Variants in GBP5 observed in about 807,000 individuals in gnomAD.
GBP5 encodes the protein guanylate binding protein 5, also known as guanylate-binding protein 5.
In GBP5, 48 loss-of-function variants were observed where a neutral mutation model predicts 58.2. The ratio of observed to expected loss-of-function variants is 0.83; its 90% CI spans 0.65 to 1.05. The LOEUF (loss-of-function observed/expected upper bound fraction) is 1.05. Ranked by LOEUF, GBP5 falls within the 50% of genes least tolerant of loss-of-function variation. The pLI, the probability that GBP5 is intolerant of heterozygous loss-of-function variation, is 0.00. For synonymous variants in GBP5, 248 were observed against 251.8 expected, an observed-to-expected ratio of 0.98 and a Z score of 0.14; for missense variants, 714 against 686.8, an observed-to-expected ratio of 1.04 and a Z score of -0.44.
In GBP5 at chr1:89,258,186, C is replaced by T. The variant is rs555435722; in HGVS notation, c.*2518G>A. Among the ~76,000 whole-genome samples the T allele has an allele frequency of 2.6e-5, 4 of 152,250 alleles. No homozygotes were observed. In the South Asian group the frequency reaches 6.2e-4, roughly 24 times the overall value. On this transcript the variant is annotated 3_prime_UTR_variant, in exon 12 of 12. Coordinates refer to ENST00000370459, the MANE Select transcript of GBP5 (RefSeq NM_052942.5). ...TGGATCACTAATGAAAGCAGCATGC[C>T]TCTCTGGTTTTTGGTGGGGGAGATA... is the stretch of plus-strand genomic sequence containing the variant.
intron 1 of GBP5, chr1:89,271,117 T>A (rs897075976): frequency 2.6e-5 from 4 of 152,214 alleles, no homozygotes; most frequent in Middle Eastern, 3.2e-3. Context: ...GCAGATTTAA[T>A]GTGTTCAAGC....
chr1:89,266,985 G>C lies in GBP5; in HGVS notation c.597C>G (p.Tyr199Ter). The C allele has an allele frequency of 1.9e-6, 3 of 1,609,156 alleles. No homozygotes were observed. The highest frequency in any genetic ancestry group is 2.5e-6 in the Non-Finnish European group (3 of 1,178,862). ...IDGQLVTPDE[Y>*]LENSLRPKQG... Reference sequence around the variant, plus strand: ...GCTTTGGCCTTAGGGAATTCTCCAGGTATTCATCTGGTGTGACAAGTTGCC... The same window carrying C: ...GCTTTGGCCTTAGGGAATTCTCCAGCTATTCATCTGGTGTGACAAGTTGCC... The change falls in exon 6 of 12, where the codon TAC becomes TAG. Residue 199 changes from tyrosine to a stop codon, truncating the protein, a stop_gained. Coordinates refer to ENST00000370459, the MANE Select transcript of GBP5 (RefSeq NM_052942.5). LOFTEE classifies it high-confidence loss of function.
At chr1:89,267,379 G>C (rs1333566261) in intron 5 of GBP5, 38 bp downstream of exon 5, 1 of 1,409,280 alleles carries the variant, frequency 7.1e-7, no homozygotes, top group East Asian at 2.3e-5. Flanking sequence ...GAGGAGTTCT[G>C]TCGGACTTTG....
rs776829331 is a variant in GBP5, at chr1:89,266,472, G to A, written c.742C>T (p.Leu248Phe). Reference protein sequence around the residue: ...LPAHQKKLAQLETLPDDELEP... With the variant: ...LPAHQKKLAQFETLPDDELEP... The stretch of plus-strand genomic sequence containing the variant: ...AGCTCATCATCAGGCAGTGTTTCAA[G>A]TTGGGCAAGCTTTTTTTGGTGAGCA... The change falls in exon 7 of 12, where the codon CTT becomes TTT. Residue 248 changes from leucine to phenylalanine, a missense_variant. By Grantham distance (22) the Leu-to-Phe change is conservative. Coordinates refer to ENST00000370459, the MANE Select transcript of GBP5 (RefSeq NM_052942.5). 2 of 1,614,172 alleles carry A rather than the reference G, an allele frequency of 1.2e-6. No individual in the cohort carries two copies. The highest frequency in any genetic ancestry group is 2.2e-5 in the South Asian group (2 of 91,088).
rs1570407859 is a variant in GBP5 at position 89,259,835 on chromosome 1, A to T, written c.*869T>A. 6.6e-6 allele frequency: 1 copy of T among 151,566 alleles called. No individual in the cohort carries two copies. The highest frequency in any genetic ancestry group is 2.4e-5 in the African/African-American group (1 of 41,094). 9.4% of individuals were successfully genotyped at this position (151,566 alleles called of 1,614,324 possible). A position where few individuals can be genotyped will look rare whatever the true frequency, so the allele number is the denominator to read the frequency against. The stretch of plus-strand genomic sequence containing the variant: ...CCACAAATGGCCTTGCCCCCCCGAC[A>T]CCCCCGCACACACACACAAAACCCC... On this transcript the variant is annotated 3_prime_UTR_variant, in exon 12 of 12. Transcript: ENST00000370459.
chr1:89,263,578 A>G (rs1650092585), intron 9 of GBP5, 158 bp downstream of exon 9: 3 of 578,646 alleles, frequency 5.2e-6, no homozygotes, highest in Admixed American at 3.0e-5. Flanking sequence ...CACCAGGCAC[A>G]TTGTTTTTCC....
chr1:89,262,841 T>C, intron 9 of GBP5, 56 bp from the exon 10 acceptor site: 1 of 1,036,752 alleles, frequency 9.6e-7, no homozygotes. Flanking sequence ...AGGAATGTTG[T>C]AAACATCTTT....
rs1434001598 is a variant in GBP5, at chr1:89,256,400, C to T, written c.*4304G>A. On this transcript the variant is annotated 3_prime_UTR_variant, in exon 12 of 12. Transcript: ENST00000370459. ...GGGTTGTCAGAAGTTGTCATATACA[C>T]CTATAGAATTTTAGTAATGCTGAAT... Among the ~76,000 whole-genome samples the T allele has an allele frequency of 6.6e-6, 1 of 152,124 alleles. No individual in the cohort carries two copies. Among genetic ancestry groups the T allele is most frequent in the African/African-American group, 2.4e-5 (1 of 41,412 alleles).
chr1:89,265,005 G>A, intron 7 of GBP5, 39 bp from the exon 8 acceptor site: 2 of 1,557,938 alleles, frequency 1.3e-6, no homozygotes, highest in Non-Finnish European at 1.8e-6. Context: ...ATTTGCAAAG[G>A]AAGAAGACAT....
At chr1:89,262,638 T>G (rs762091110) in intron 10 of GBP5, 45 bp downstream of exon 10, 13 of 1,388,120 alleles carry the variant, frequency 9.4e-6, no homozygotes, top group Non-Finnish European at 1.2e-5. Context: ...TATTTAAAAT[T>G]TATAGATTTC....
In GBP5 at chr1:89,263,779, T is replaced by A; in HGVS notation, c.1319A>T (p.Glu440Val). 1 of 1,613,722 alleles carries A rather than the reference T, an allele frequency of 6.2e-7. No individual in the cohort carries two copies. The highest frequency in any genetic ancestry group is 2.2e-5 in the East Asian group (1 of 44,872). The change falls in exon 9 of 12, where the codon GAA becomes GTA. Residue 440 changes from glutamate to valine, a missense_variant. By Grantham distance (121) the Glu-to-Val change is moderately radical (BLOSUM62 -2). Coordinates refer to ENST00000370459, the MANE Select transcript of GBP5 (RefSeq NM_052942.5). ...CTCCCGATAGTACTTTGCCTTCAGT[T>A]CTTCTGTTTTCTGAATGAAGAGATT... ...GHNLFIQKTE[E>V]LKAKYYREPR... is the part of the protein sequence containing the mutation.
chr1:89,256,745 A>T lies in GBP5; in HGVS notation c.*3959T>A, dbSNP rs971363400. Among the ~76,000 whole-genome samples, 1 of 152,158 alleles carries T rather than the reference A, an allele frequency of 6.6e-6. No individual in the cohort carries two copies. Among genetic ancestry groups the T allele is most frequent in the African/African-American group, 2.4e-5 (1 of 41,434 alleles). On this transcript the variant is annotated 3_prime_UTR_variant, in exon 12 of 12. Transcript: ENST00000370459. ...TAGTTTTACATTTTATATTTTATCA[A>T]TTTGGGTGTGGTTCCTTTTTCTTAT...
intron 5 of GBP5, 83 bp from the exon 6 acceptor site, chr1:89,267,236 T>C: frequency 8.1e-7 from 1 of 1,228,758 alleles, no homozygotes; most frequent in Non-Finnish European, 1.1e-6. Flanking sequence ...AAACCTTTAT[T>C]TTCCCCTACG....
In GBP5 at chr1:89,266,375, AG is replaced by A; in HGVS notation, c.838del (p.Leu280PhefsTer12). On this transcript the variant is annotated frameshift_variant, in exon 7 of 12. Transcript: ENST00000370459. LOFTEE classifies it high-confidence loss of function. The stretch of plus-strand genomic sequence containing the variant: ...TCCATTGACCATGATGCCACCTGGA[AG>A]AGTCTTGGTCATAGAATGGCTAAAG... Reference protein sequence around the residue: ...YIFSHSMTKTLPGGIMVNGSR... With the variant: ...YIFSHSMTKTXPGGIMVNGSR... 6.2e-7 allele frequency: 1 copy of A among 1,613,208 alleles called. No homozygotes were observed. Among genetic ancestry groups the A allele is most frequent in the East Asian group, 2.2e-5 (1 of 44,872 alleles).
In GBP5 at chr1:89,268,864, G is replaced by T; in HGVS notation, c.191-8C>A. ...TAGATGCAACAGAGAAGCCTGTCAG[G>T]GGGAGTGAGAGGTTGTAATAGAAGA... is the stretch of plus-strand genomic sequence containing the variant. On this transcript the variant is annotated splice_region_variant and splice_polypyrimidine_tract_variant and intron_variant, in intron 3 of 11. Transcript: ENST00000370459. 6.2e-7 allele frequency: 1 copy of T among 1,613,172 alleles called. No homozygotes were observed. Among genetic ancestry groups the T allele is most frequent in the Non-Finnish European group, 8.5e-7 (1 of 1,179,596 alleles).
In GBP5 at chr1:89,263,723, G is replaced by C. The variant is rs1482869539; in HGVS notation, c.1362+13C>G. The stretch of plus-strand genomic sequence containing the variant: ...CCTCAGCAATTCTCCACAATAGGTA[G>C]AACTAGGGATACCTGTATTCCTTTC... On this transcript the variant is annotated intron_variant, in intron 9 of 11. Coordinates refer to ENST00000370459, the MANE Select transcript of GBP5 (RefSeq NM_052942.5). The C allele has an allele frequency of 1.6e-5, 25 of 1,587,572 alleles. No homozygotes were observed. Among genetic ancestry groups the C allele is most frequent in the African/African-American group, 8.1e-5 (6 of 74,372 alleles).
Position 89,262,306 on chromosome 1 carries a change from G to A in GBP5, c.1561C>T (p.Leu521Phe), listed in dbSNP as rs1205712860. The change falls in exon 11 of 12, where the codon CTC becomes TTC. Residue 521 changes from leucine to phenylalanine, a missense_variant. Coordinates refer to ENST00000370459, the MANE Select transcript of GBP5 (RefSeq NM_052942.5). ...NEQMMQERERLHQEQVRQMEI... is the reference protein window; with the variant it reads ...NEQMMQERERFHQEQVRQMEI... ...ATTTGTCTCACTTGTTCCTGATGGAGTCTCTCCCTCTCCTGCATCATTTGC... is the reference window on the plus strand; with the variant it reads ...ATTTGTCTCACTTGTTCCTGATGGAATCTCTCCCTCTCCTGCATCATTTGC... The A allele has an allele frequency of 6.2e-7, 1 of 1,614,120 alleles. No homozygotes were observed. The highest frequency in any genetic ancestry group is 1.1e-5 in the South Asian group (1 of 91,084).
chr1:89,264,579 T>C, intron 8 of GBP5, 107 bp downstream of exon 8: 2 of 945,298 alleles, frequency 2.1e-6, no homozygotes, highest in South Asian at 3.3e-5. Context: ...TATATTATTA[T>C]TTTCCAATCT....
At chr1:89,271,062 G>A (rs1025315783) in intron 1 of GBP5, 200 bp from the exon 2 acceptor site, 2 of 152,188 alleles carry the variant, frequency 1.3e-5, no homozygotes, top group Non-Finnish European at 2.9e-5. Context: ...CATCTGGATA[G>A]CATCTTTAAT....
Sources: gnomAD v4.1 joint callset for allele counts (sites outside exome capture counted in the v4.1 genomes callset) on GRCh38, gnomAD v4.1.1 for gene constraint, MANE v1.5 for transcripts, NCBI Gene and HGNC (gene_info 2026-07-23, HGNC 2026-07-21) for gene names.